The following ILK variants were observed in gnomAD, a reference collection of about 807,000 sequenced individuals.
The protein encoded by ILK is scaffold protein ILK.
ILK carries 37 observed loss-of-function variants against 57.8 expected under a neutral mutation model. The ratio of observed to expected loss-of-function variants is 0.64; its 90% confidence interval spans 0.49 to 0.84. The LOEUF is 0.84. Among genes scored for constraint, ILK ranks in the 40% least tolerant of loss-of-function variants. ILK has a pLI of 0.00. For missense variants in ILK, 528 were observed against 595.7 expected (o/e 0.89, Z 1.18); for synonymous variants, 231 against 202.2 (o/e 1.14, Z -1.21).
Position 6,604,252 on chromosome 11 carries a change from C to T in ILK, c.-20C>T, listed in dbSNP as rs1423977640. ...CCTCAGGCTTCCCCAATCCAGGGGA[C>T]TCGGCGCCGGGACGCTGCTATGGAC... is the stretch of plus-strand genomic sequence containing the variant. On this transcript the variant is annotated 5_prime_UTR_variant, in exon 2 of 13. Transcript: ENST00000299421. 2.5e-6 allele frequency: 4 copies of T among 1,606,684 alleles called. No individual in the cohort carries two copies. Among genetic ancestry groups the T allele is most frequent in the Non-Finnish European group, 3.4e-6 (4 of 1,177,552 alleles).
chr11:6,604,490 G>A (rs1029986144), intron 2 of ILK, 130 bp downstream of exon 2: 7 of 798,734 alleles, frequency 8.8e-6, no homozygotes, highest in Non-Finnish European at 1.5e-5. Context: ...ATAGCCTGTG[G>A]GGGGCAGAGG....
chr11:6,609,051 T>C lies in ILK; in HGVS notation c.533-20T>C. On this transcript the variant is annotated intron_variant, in intron 6 of 12. Coordinates refer to ENST00000299421, the MANE Select transcript of ILK (RefSeq NM_004517.4). Reference sequence around the variant, plus strand: ...CTGGGTTAGGGTGAAGCTGGGTACCTGACCTGCCCACACTCTTAGGAAATG... The same window carrying C: ...CTGGGTTAGGGTGAAGCTGGGTACCCGACCTGCCCACACTCTTAGGAAATG... 6.2e-7 allele frequency: 1 copy of C among 1,612,952 alleles called. No homozygotes were observed. The highest frequency in any genetic ancestry group is 8.5e-7 in the Non-Finnish European group (1 of 1,178,918).
intron 1 of ILK, 49 bp downstream of exon 1, chr11:6,603,871 G>C (rs1400683561): frequency 7.8e-6 from 3 of 383,532 alleles, no homozygotes; most frequent in Non-Finnish European, 1.4e-5. Context: ...CTTCTCCTGA[G>C]TCCCAAGTAA....
chr11:6,607,262 TA>T (rs1330484971), intron 2 of ILK: 1 of 151,700 alleles, frequency 6.6e-6, no homozygotes, highest in African/African-American at 2.4e-5. Flanking sequence ...TTTGTTTGTA[TA>T]CTTTACTTTA....
At chr11:6,606,846 CTGA>C (rs1854963144) in intron 2 of ILK, 1 of 152,194 alleles carries the variant, frequency 6.6e-6, no homozygotes, top group East Asian at 1.9e-4. Flanking sequence ...GTACTGGAAG[CTGA>C]TAAGTCAGGG....
chr11:6,608,924 A>G lies in ILK; in HGVS notation c.489A>G (p.Pro163=), dbSNP rs780463048. 6.2e-7 allele frequency: 1 copy of G among 1,614,190 alleles called. No individual in the cohort carries two copies. The highest frequency in any genetic ancestry group is 1.1e-5 in the South Asian group (1 of 91,082). Residue 163 remains proline, a synonymous_variant, in exon 6 of 13, where the codon CCA becomes CCG. Coordinates refer to ENST00000299421, the MANE Select transcript of ILK (RefSeq NM_004517.4). This position sits in a 1 kb window ranked among gnomAD's most constrained non-coding sequence, Gnocchi z 4.9. ...TGGGCCAGAATCTCAACCGTATTCC[A>G]TACAAGGACACATTCTGGAAGGGGA... ...EKMGQNLNRI[P]YKDTFWKGTT...
rs1195571398 is a variant in ILK at position 6,608,656 on chromosome 11, T to G, written c.352-38T>G. 1 of 1,539,642 alleles carries G rather than the reference T, an allele frequency of 6.5e-7. No individual in the cohort carries two copies. Among genetic ancestry groups the G allele is most frequent in the Non-Finnish European group, 9.0e-7 (1 of 1,112,058 alleles). ...GTTGGTTCAGTGACTGCCAGCGAGG[T>G]AGCAGTGGCTCTCATCATAATGGCC... On this transcript the variant is annotated intron_variant, in intron 4 of 12. Coordinates refer to ENST00000299421, the MANE Select transcript of ILK (RefSeq NM_004517.4). This position sits in a 1 kb window ranked among gnomAD's most constrained non-coding sequence, Gnocchi z 4.9.
chr11:6,609,696 GA>G (rs769091537), intron 9 of ILK, 27 bp from the exon 10 acceptor site: 3 of 1,614,048 alleles, frequency 1.9e-6, no homozygotes, highest in Non-Finnish European at 2.5e-6. Flanking sequence ...GAGCCTCTCT[GA>G]ACTATTTGAC....
At chr11:6,610,324 A>C in intron 12 of ILK, 46 bp downstream of exon 12, 4 of 1,613,916 alleles carry the variant, frequency 2.5e-6, no homozygotes, top group Non-Finnish European at 3.4e-6. Context: ...GTGGTTGGTG[A>C]TGGTGAAAAT....
chr11:6,606,679 T>A (rs904934914), intron 2 of ILK: 2 of 152,214 alleles, frequency 1.3e-5, no homozygotes, highest in Non-Finnish European at 2.9e-5. Flanking sequence ...GGGGCCAAAG[T>A]TGGCTATATG....
Position 6,608,987 on chromosome 11 carries a change from A to C in ILK, c.532+20A>C. The C allele has an allele frequency of 6.2e-7, 1 of 1,613,950 alleles. No homozygotes were observed. Among genetic ancestry groups the C allele is most frequent in the Non-Finnish European group, 8.5e-7 (1 of 1,179,790 alleles). On this transcript the variant is annotated intron_variant, in intron 6 of 12. Coordinates refer to ENST00000299421, the MANE Select transcript of ILK (RefSeq NM_004517.4). The surrounding 1 kb of genome is among the most constrained non-coding windows in gnomAD (Gnocchi z 4.9). ...GGCCCCGTGAGTCACCACTGTGGGA[A>C]GAAGGGTTGTAAAAGGAAATAATCC...
chr11:6,604,442 GC>G (rs1248912924), intron 2 of ILK, 82 bp downstream of exon 2: 26 of 1,304,890 alleles, frequency 2.0e-5, no homozygotes, highest in Non-Finnish European at 2.5e-5. Context: ...TCTGGTGGTG[GC>G]GGCTGCCTTT....
Position 6,608,313 on chromosome 11 carries a change from T to C in ILK, c.256-81T>C. 1 of 1,572,500 alleles carries C rather than the reference T, an allele frequency of 6.4e-7. No homozygotes were observed. ...GAAAGCATGTGTGCTCTTCCCCCTT[T>C]TCCCATGCCCTGACACCAGTATCTC... On this transcript the variant is annotated intron_variant, in intron 3 of 12. Coordinates refer to ENST00000299421, the MANE Select transcript of ILK (RefSeq NM_004517.4). The surrounding 1 kb of genome is among the most constrained non-coding windows in gnomAD (Gnocchi z 4.9).
At chr11:6,605,211 G>C (rs1854740053) in intron 2 of ILK, among the ~76,000 whole-genome samples, 1 of 152,136 alleles carries the variant, frequency 6.6e-6, no homozygotes, top group South Asian at 2.1e-4. Flanking sequence ...CTGACTTGGA[G>C]ACACAGATTT....
In ILK at chr11:6,608,771, C is replaced by G; in HGVS notation, c.429C>G (p.Pro143=). ...TGCCTGTGGACAAAGCCAAGGCACC[C>G]CTGAGAGAGCTTCTCCGAGGTCCAT... ...GEMPVDKAKA[P]LRELLRERAE... is the part of the protein sequence containing the mutation. Residue 143 remains proline (P), a synonymous_variant, in exon 5 of 13, where the codon CCC becomes CCG. Coordinates refer to ENST00000299421, the MANE Select transcript of ILK (RefSeq NM_004517.4). The surrounding 1 kb of genome is among the most constrained non-coding windows in gnomAD (Gnocchi z 4.9). 6.2e-7 allele frequency: 1 copy of G among 1,614,010 alleles called. No homozygotes were observed. The highest frequency in any genetic ancestry group is 8.5e-7 in the Non-Finnish European group (1 of 1,179,898).
At chr11:6,607,991 A>G in intron 2 of ILK, 55 bp from the exon 3 acceptor site, 1 of 1,587,882 alleles carries the variant, frequency 6.3e-7, no homozygotes, top group Non-Finnish European at 8.6e-7. Context: ...TTCAGGAATC[A>G]AAACCTTTGC....
intron 7 of ILK, 39 bp from the exon 8 acceptor site, chr11:6,609,259 AG>A (rs777532769): frequency 1.2e-6 from 2 of 1,605,766 alleles, no homozygotes; most frequent in African/African-American, 2.7e-5. Context: ...AGGAAGTGGC[AG>A]CAACATTTCA....
Position 6,608,635 on chromosome 11 carries a change from G to A in ILK, c.352-59G>A. 6.9e-7 allele frequency: 1 copy of A among 1,456,326 alleles called. No homozygotes were observed. Among genetic ancestry groups the A allele is most frequent in the Non-Finnish European group, 9.7e-7 (1 of 1,036,058 alleles). 90.2% of individuals were successfully genotyped at this position (1,456,326 alleles called of 1,614,324 possible). ...TTCTACATTTGTGCATTCATGGTTG[G>A]TTCAGTGACTGCCAGCGAGGTAGCA... On this transcript the variant is annotated intron_variant, in intron 4 of 12. Coordinates refer to ENST00000299421, the MANE Select transcript of ILK (RefSeq NM_004517.4). The surrounding 1 kb of genome is among the most constrained non-coding windows in gnomAD (Gnocchi z 4.9).
At chr11:6,606,081 G>A (rs1347070491) in intron 2 of ILK, among the ~76,000 whole-genome samples, 1 of 152,228 alleles carries the variant, frequency 6.6e-6, no homozygotes, top group Non-Finnish European at 1.5e-5. Flanking sequence ...GCTGAGGCAG[G>A]AGAACTGCTT....
Sources: allele counts gnomAD v4.1 joint callset (sites outside exome capture counted in the v4.1 genomes callset), GRCh38; gene constraint gnomAD v4.1.1; non-coding constraint Gnocchi (gnomAD v3.1); transcripts MANE v1.5; gene names NCBI Gene and HGNC (gene_info 2026-07-23, HGNC 2026-07-21).